ZNF600: variants seen among roughly 807,000 people sequenced by gnomAD.
ZNF600 encodes zinc finger protein KR-ZNF1.
Under a neutral mutation model 7.3 loss-of-function variants are expected in ZNF600, and 4 were observed. The observed-to-expected ratio is 0.55, with a 90% CI of 0.27 to 1.25. The LOEUF is 1.25. ZNF600 is among the 50% of genes most tolerant of loss of function. The probability of loss-of-function intolerance (pLI) is 0.12; values close to 1 mark genes in which losing one functional copy is unlikely to be tolerated. For synonymous variants in ZNF600, 290 were observed against 308.9 expected, an observed-to-expected ratio of 0.94 and a Z score of 0.64; for missense variants, 911 against 922.1, an observed-to-expected ratio of 0.99 and a Z score of 0.16.
chr19:52,780,464 C>T (rs1202871917), intron 1 of ZNF600, among the ~76,000 whole-genome samples, 117 bp downstream of exon 3: 1 of 152,082 alleles, frequency 6.6e-6, no homozygotes, highest in Admixed American at 6.6e-5. Context: ...AAGAGGAAAG[C>T]GACCAGTGGG....
chr19:52,775,066 C>A (rs772762566), intron 2 of ZNF600, among the ~76,000 whole-genome samples: 15 of 152,104 alleles, frequency 9.9e-5, no homozygotes, highest in East Asian at 1.9e-4. Context: ...ATGGTGAAAA[C>A]CTGTCTCTAC....
chr19:52,803,348 G>A, the ZNF600 span, among the ~76,000 whole-genome samples: 1 of 152,100 alleles, frequency 6.6e-6, no homozygotes, highest in African/African-American at 2.4e-5. Flanking sequence ...CCCAAGACCT[G>A]GGATTACAGG....
At chr19:52,820,908 T>A in the ZNF600 span, among the ~76,000 whole-genome samples, 2 of 152,022 alleles carry the variant, frequency 1.3e-5, no homozygotes, top group Non-Finnish European at 2.9e-5. Context: ...TTAGTCCCTC[T>A]CTCTGTCTCC....
upstream of ZNF600, among the ~76,000 whole-genome samples, chr19:52,789,880 G>A (rs867025385): frequency 2.6e-5 from 4 of 152,330 alleles, no homozygotes; most frequent in South Asian, 8.3e-4. Context: ...AGTCAGTGAA[G>A]GGAGATAGGG....
At chr19:52,790,469 C>G (rs1238314382), upstream of ZNF600, among the ~76,000 whole-genome samples, 3 of 152,148 alleles carry the variant, frequency 2.0e-5, no homozygotes, top group East Asian at 5.8e-4. Flanking sequence ...TGCACTTCAG[C>G]TTGGGCAACA....
chr19:52,798,362 C>G, the ZNF600 span: 1 of 344,886 alleles, frequency 2.9e-6, no homozygotes, highest in Non-Finnish European at 5.7e-6. Flanking sequence ...TAAGTCAACT[C>G]AAACTCAGGT....
intron 1 of ZNF600, among the ~76,000 whole-genome samples, 193 bp from the exon 2 acceptor site, chr19:52,781,657 C>G (rs933459882): frequency 3.3e-5 from 5 of 151,866 alleles, no homozygotes; most frequent in African/African-American, 1.2e-4. Context: ...TCCCAGCTAC[C>G]TGGGAGGCTG....
chr19:52,766,637 A>G, exon 4 of ZNF600: 1 of 1,614,142 alleles, frequency 6.2e-7, no homozygotes, highest in Admixed American at 1.7e-5. Context: ...GATGGCATAC[A>G]AGGGATGACT....
At chr19:52,784,306 T>C (rs1446486637) in intron 1 of ZNF600, among the ~76,000 whole-genome samples, 1 of 152,084 alleles carries the variant, frequency 6.6e-6, no homozygotes, top group East Asian at 1.9e-4. Context: ...CTAGAGAGAC[T>C]GAGGGAGGAG....
chr19:52,777,204 C>T (rs756934218), intron 2 of ZNF600, among the ~76,000 whole-genome samples: 1 of 151,920 alleles, frequency 6.6e-6, no homozygotes, highest in Non-Finnish European at 1.5e-5. Context: ...CGGTGAAACC[C>T]CATCTCTACT....
the ZNF600 span, among the ~76,000 whole-genome samples, chr19:52,820,259 A>G: frequency 2.9e-5 from 4 of 137,946 alleles, no homozygotes; most frequent in Non-Finnish European, 6.1e-5. Flanking sequence ...CTGGGACTAC[A>G]GGCGCCCGCC....
the ZNF600 span, among the ~76,000 whole-genome samples, chr19:52,817,521 T>A: frequency 2.0e-5 from 3 of 152,138 alleles, no homozygotes; most frequent in Non-Finnish European, 4.4e-5. Flanking sequence ...GAGAAAAGAT[T>A]TTCCCTTATT....
exon 4 of ZNF600, chr19:52,765,490 C>G: frequency 6.3e-7 from 1 of 1,583,504 alleles, no homozygotes; most frequent in Non-Finnish European, 8.7e-7. Context: ...AAAAATTTGC[C>G]ACATTTATTA....
chr19:52,800,835 G>A, the ZNF600 span: 9 of 1,613,780 alleles, frequency 5.6e-6, no homozygotes, highest in Non-Finnish European at 7.6e-6. Context: ...TGAATTACAT[G>A]TGAAAGCTTT....
At chr19:52,821,169 C>T in the ZNF600 span, among the ~76,000 whole-genome samples, 3 of 150,142 alleles carry the variant, frequency 2.0e-5, no homozygotes, top group Non-Finnish European at 2.9e-5. Context: ...GGGTGGGATC[C>T]GCAGGATCCC....
At chr19:52,802,612 G>C in the ZNF600 span, among the ~76,000 whole-genome samples, 1 of 152,108 alleles carries the variant, frequency 6.6e-6, no homozygotes, top group South Asian at 2.1e-4. Flanking sequence ...GGGAGGCAAA[G>C]ATTGTGGTGA....
upstream of ZNF600, among the ~76,000 whole-genome samples, chr19:52,787,500 G>C (rs1268034041): frequency 7.0e-6 from 1 of 142,432 alleles, no homozygotes; most frequent in Non-Finnish European, 1.5e-5. Context: ...TCCGCCTCCC[G>C]GGTTCACGCC....
At chr19:52,792,832 A>G in the ZNF600 span, among the ~76,000 whole-genome samples, 62,764 of 151,288 alleles carry the variant, frequency 0.41, 15,069 homozygotes, top group Non-Finnish European at 0.56. Flanking sequence ...TCCCAGCTTC[A>G]TGCCATTCTC....
chr19:52,779,788 A>C (rs1366149725), intron 1 of ZNF600, among the ~76,000 whole-genome samples: 3 of 152,144 alleles, frequency 2.0e-5, no homozygotes, highest in African/African-American at 7.2e-5. Flanking sequence ...TCAGGACTGT[A>C]ATCCCAGCAC....
Sources: allele counts gnomAD v4.1 joint callset (sites outside exome capture counted in the v4.1 genomes callset), GRCh38; gene constraint gnomAD v4.1.1; transcripts MANE v1.5; gene names NCBI Gene and HGNC (gene_info 2026-07-23, HGNC 2026-07-21).